The following KLF12 variants were observed in gnomAD, a reference collection of about 807,000 sequenced individuals.
KLF12 encodes Krueppel-like factor 12.
A neutral mutation model predicts 37.8 loss-of-function variants in KLF12; 9 were observed. That is an observed-to-expected ratio of 0.24 (90% CI 0.14 to 0.42). The LOEUF is 0.42. Ranked by LOEUF, KLF12 falls within the 10% of genes least tolerant of loss-of-function variation. The probability of loss-of-function intolerance (pLI) is 1.00; values close to 1 mark genes in which losing one functional copy is unlikely to be tolerated. For missense variants in KLF12, 411 were observed against 516.0 expected (o/e 0.80, Z 1.97); for synonymous variants, 208 against 202.1 (o/e 1.03, Z -0.25).
intron 4 of KLF12, among the ~76,000 whole-genome samples, chr13:73,829,250 C>T (rs1379074713): frequency 2.0e-5 from 3 of 152,128 alleles, no homozygotes; most frequent in African/African-American, 2.4e-5. Flanking sequence ...AAGCAAAAGG[C>T]TGAAAAATTG....
chr13:73,837,344 G>T (rs139948141), intron 4 of KLF12, among the ~76,000 whole-genome samples: 175 of 152,324 alleles, frequency 1.1e-3, no homozygotes, highest in African/African-American at 4.0e-3. Flanking sequence ...TATGCCAGAT[G>T]AAGCAGCGAA....
At chr13:74,197,940 T>A in the KLF12 span, among the ~76,000 whole-genome samples, 3 of 151,980 alleles carry the variant, frequency 2.0e-5, no homozygotes, top group Non-Finnish European at 4.4e-5. Context: ...TAAAAAAAAT[T>A]TTCTAGCAAC....
At chr13:74,237,900 C>A in the KLF12 span, among the ~76,000 whole-genome samples, 21 of 152,054 alleles carry the variant, frequency 1.4e-4, no homozygotes, top group Non-Finnish European at 2.2e-4. Context: ...GACAATTTGA[C>A]TTCCTCTTTT....
intron 3 of KLF12, among the ~76,000 whole-genome samples, chr13:73,904,489 T>C (rs1888185732): frequency 6.7e-6 from 1 of 149,290 alleles, no homozygotes; most frequent in Admixed American, 6.6e-5. Context: ...TTTTTTTTTT[T>C]TTTACTAATT....
chr13:73,712,265 G>A (rs1875456696), intron 7 of KLF12, among the ~76,000 whole-genome samples: 1 of 151,254 alleles, frequency 6.6e-6, no homozygotes, highest in Non-Finnish European at 1.5e-5. Flanking sequence ...TTGAAACTGG[G>A]AGGCGGAGGC....
At chr13:73,942,500 C>T (rs1417639654) in intron 3 of KLF12, among the ~76,000 whole-genome samples, 1 of 151,976 alleles carries the variant, frequency 6.6e-6, no homozygotes, top group Admixed American at 6.6e-5. Context: ...AAATCCTCCC[C>T]ATGGTTAGGT....
chr13:73,766,933 A>G (rs1358496388), intron 5 of KLF12, among the ~76,000 whole-genome samples: 1 of 152,218 alleles, frequency 6.6e-6, no homozygotes, highest in Non-Finnish European at 1.5e-5. Flanking sequence ...GAGAATTTCT[A>G]TAATGGTTTA....
the KLF12 span, among the ~76,000 whole-genome samples, chr13:74,176,903 A>C: frequency 1.3e-4 from 20 of 152,272 alleles, no homozygotes; most frequent in African/African-American, 4.8e-4. Context: ...ATAAATATTG[A>C]ATTAATTAAA....
intron 1 of KLF12, among the ~76,000 whole-genome samples, chr13:74,084,502 C>A (rs117018156): frequency 7.6e-4 from 116 of 152,228 alleles, no homozygotes; most frequent in Non-Finnish European, 1.5e-3. Context: ...GAAGTCACCA[C>A]GAAACATTTA....
At chr13:73,768,502 A>C (rs1365390894) in intron 5 of KLF12, among the ~76,000 whole-genome samples, 1 of 152,150 alleles carries the variant, frequency 6.6e-6, no homozygotes, top group African/African-American at 2.4e-5. Flanking sequence ...GGGCAGAATA[A>C]TACAAACCAA....
chr13:73,738,909 A>G (rs1877734856), intron 6 of KLF12, among the ~76,000 whole-genome samples: 1 of 152,112 alleles, frequency 6.6e-6, no homozygotes, highest in Admixed American at 6.6e-5. Context: ...TAGGGCCTCA[A>G]TGCCTCAGTT....
the KLF12 span, among the ~76,000 whole-genome samples, chr13:74,226,938 TC>T: frequency 6.6e-6 from 1 of 152,132 alleles, no homozygotes. Context: ...TGAAAGAGTC[TC>T]CTAACAGATT....
chr13:74,195,729 G>A, the KLF12 span, among the ~76,000 whole-genome samples: 48 of 152,088 alleles, frequency 3.2e-4, no homozygotes, highest in Admixed American at 9.8e-4. Context: ...CTCCCGAATA[G>A]TTGGGATTAT....
chr13:73,735,081 A>G (rs1343140309), intron 6 of KLF12, among the ~76,000 whole-genome samples: 2 of 146,068 alleles, frequency 1.4e-5, no homozygotes, highest in Non-Finnish European at 3.0e-5. Context: ...TGAGCCTAGT[A>G]GTTCAAGACC....
chr13:74,206,552 TG>T, the KLF12 span, among the ~76,000 whole-genome samples: 1 of 152,098 alleles, frequency 6.6e-6, no homozygotes, highest in Non-Finnish European at 1.5e-5. Context: ...CCCAGGAAAT[TG>T]GGTAATTATT....
intron 5 of KLF12, among the ~76,000 whole-genome samples, chr13:73,792,795 T>C (rs1282879151): frequency 6.6e-6 from 1 of 152,194 alleles, no homozygotes; most frequent in Non-Finnish European, 1.5e-5. Context: ...TCAAAGTTAA[T>C]AAAAATTTCT....
chr13:73,949,176 C>G (rs1890554393), intron 2 of KLF12, among the ~76,000 whole-genome samples: 1 of 152,200 alleles, frequency 6.6e-6, no homozygotes, highest in Non-Finnish European at 1.5e-5. Flanking sequence ...CTCTTAATCA[C>G]CATACTCTAT....
intron 4 of KLF12, among the ~76,000 whole-genome samples, chr13:73,830,881 C>T (rs951834790): frequency 5.3e-5 from 8 of 152,072 alleles, no homozygotes; most frequent in African/African-American, 1.9e-4. Flanking sequence ...TGTTAACCTA[C>T]AGCTTAAGGC....
intron 1 of KLF12, among the ~76,000 whole-genome samples, chr13:74,028,630 T>C (rs1893035958): frequency 6.6e-6 from 1 of 152,062 alleles, no homozygotes. Flanking sequence ...ATTAGTAAGG[T>C]CATATCTAGA....
Sources: allele counts gnomAD v4.1 joint callset (sites outside exome capture counted in the v4.1 genomes callset), GRCh38; gene constraint gnomAD v4.1.1; transcripts MANE v1.5; gene names NCBI Gene and HGNC (gene_info 2026-07-23, HGNC 2026-07-21).